DHX36: variants seen among roughly 807,000 people sequenced by gnomAD.
The protein encoded by DHX36 is DEAH-box helicase 36.
A neutral mutation model predicts 139.0 loss-of-function variants in DHX36; 50 were observed. The observed-to-expected ratio is 0.36, with a 90% CI of 0.29 to 0.46. The LOEUF (loss-of-function observed/expected upper bound fraction) is 0.46, where lower values mean the gene tolerates loss of function less well. Ranked by LOEUF, DHX36 falls within the 20% of genes least tolerant of loss-of-function variation. The pLI is 1.00. For missense variants in DHX36, 1,024 were observed against 1,211.3 expected, an observed-to-expected ratio of 0.85 and a Z score of 2.29; for synonymous variants, 425 against 401.9, an observed-to-expected ratio of 1.06 and a Z score of -0.69.
intron 15 of DHX36, 92 bp downstream of exon 15, chr3:154,292,459 C>CT: frequency 2.0e-6 from 3 of 1,521,666 alleles, no homozygotes; most frequent in Non-Finnish European, 1.8e-6. Context: ...AAAGGTAACT[C>CT]TTTTAATAAA....
chr3:154,292,771 C>T (rs2108344835), intron 14 of DHX36, 77 bp from the exon 15 acceptor site: 2 of 1,533,450 alleles, frequency 1.3e-6, no homozygotes, highest in South Asian at 2.5e-5. Flanking sequence ...ATCGAAAGCA[C>T]TATTAACCTA....
chr3:154,284,969 C>T lies in DHX36; in HGVS notation c.2050G>A (p.Glu684Lys), dbSNP rs149205201. ...TGGACTCCAAGAGGTGTCAATTCTT[C>T]TTGTTTATCCAAAGCGTTCTGTAAA... ...LMELNALDKQ[E>K]ELTPLGVHLA... The change falls in exon 18 of 25, where the codon GAA (glutamate) becomes AAA (lysine). Residue 684 changes from glutamate to lysine, a missense_variant. Physicochemically the swap from Glu to Lys is moderately conservative, Grantham distance 56 (BLOSUM62 1). Transcript: ENST00000496811. 1.9e-6 allele frequency: 3 copies of T among 1,613,980 alleles called. No homozygotes were observed. Among genetic ancestry groups the T allele is most frequent in the Non-Finnish European group, 2.5e-6 (3 of 1,180,022 alleles).
At position 154,274,345 on chromosome 3, in the gene DHX36, C is replaced by CA; in HGVS notation, c.*1825dup. 10 of 190,692 alleles carry CA rather than the reference C, an allele frequency of 5.2e-5. No individual in the cohort carries two copies. The highest frequency in any genetic ancestry group is 1.0e-4 in the South Asian group (1 of 9,748). 11.8% of individuals were successfully genotyped at this position (190,692 alleles called of 1,614,324 possible). On this transcript the variant is annotated 3_prime_UTR_variant, in exon 25 of 25. Transcript: ENST00000496811. ...AACAAAACAAAACAAAACAAAAAACCAACAAAAAACTAACAATATCCTATT... is the reference window on the plus strand; with the variant it reads ...AACAAAACAAAACAAAACAAAAAACCAAACAAAAAACTAACAATATCCTATT...
intron 2 of DHX36, 131 bp downstream of exon 2, chr3:154,315,906 ATC>A (rs1712958737): frequency 4.6e-6 from 5 of 1,077,264 alleles, no homozygotes; most frequent in South Asian, 3.5e-5. Flanking sequence ...CATTTTCTAA[ATC>A]TGTTTAATCT....
In DHX36 at chr3:154,315,034, T is replaced by G. The variant is rs751647029; in HGVS notation, c.603+12A>C. The G allele has an allele frequency of 4.5e-6, 7 of 1,548,402 alleles. No homozygotes were observed. The highest frequency in any genetic ancestry group is 6.2e-6 in the Non-Finnish European group (7 of 1,135,770). ...AAAAATGACAAAATATTTTTTGACA[T>G]CTTTCTACTACCTGCATTTCAATAT... On this transcript the variant is annotated intron_variant, in intron 3 of 24. Coordinates refer to ENST00000496811, the MANE Select transcript of DHX36 (RefSeq NM_020865.3).
At chr3:154,304,651 A>G (rs934737693) in intron 8 of DHX36, among the ~76,000 whole-genome samples, 155 bp downstream of exon 8, 1 of 152,156 alleles carries the variant, frequency 6.6e-6, no homozygotes, top group African/African-American at 2.4e-5. Context: ...AATAGACCCA[A>G]TTGTCTAATC....
chr3:154,289,880 T>G, intron 15 of DHX36, 54 bp from the exon 16 acceptor site: 1 of 1,141,752 alleles, frequency 8.8e-7, no homozygotes, highest in South Asian at 1.4e-5. Flanking sequence ...ATCAATGACT[T>G]TTTAGAACTG....
chr3:154,308,622 T>C (rs1290256767), intron 5 of DHX36, among the ~76,000 whole-genome samples: 1 of 152,180 alleles, frequency 6.6e-6, no homozygotes, highest in Non-Finnish European at 1.5e-5. Flanking sequence ...TTCCGGTTTC[T>C]ATTTTGGAAT....
Position 154,303,424 on chromosome 3 carries a change from C to T in DHX36, c.1136-14G>A. On this transcript the variant is annotated splice_polypyrimidine_tract_variant and intron_variant, in intron 8 of 24. Transcript: ENST00000496811. Reference sequence around the variant, plus strand: ...TTGGACAGTTACCTATTACGGCAGACAAAATATAAGCATAAATTTGTACTC... The same window carrying T: ...TTGGACAGTTACCTATTACGGCAGATAAAATATAAGCATAAATTTGTACTC... 1 of 1,564,060 alleles carries T rather than the reference C, an allele frequency of 6.4e-7. No homozygotes were observed. Among genetic ancestry groups the T allele is most frequent in the Non-Finnish European group, 8.7e-7 (1 of 1,150,166 alleles).
At chr3:154,279,126 AGCCACTGT>A (rs755384408) in intron 22 of DHX36, 1 of 152,272 alleles carries the variant, frequency 6.6e-6, no homozygotes, top group Non-Finnish European at 1.5e-5. Flanking sequence ...TACAGGTGTG[AGCCACTGT>A]GCCTGGCCCA....
chr3:154,294,743 A>C (rs1326372700), intron 13 of DHX36, among the ~76,000 whole-genome samples: 1 of 152,132 alleles, frequency 6.6e-6, no homozygotes, highest in Non-Finnish European at 1.5e-5. Flanking sequence ...AATCAATTTC[A>C]TTTTGCAAGA....
At chr3:154,287,393 G>T (rs529629731) in intron 17 of DHX36, among the ~76,000 whole-genome samples, 20 of 152,296 alleles carry the variant, frequency 1.3e-4, no homozygotes, top group South Asian at 1.0e-3. Context: ...GGTGGCTCAT[G>T]CCTATGATCC....
chr3:154,291,849 G>A (rs1711829108), intron 15 of DHX36, among the ~76,000 whole-genome samples: 1 of 152,164 alleles, frequency 6.6e-6, no homozygotes, highest in African/African-American at 2.4e-5. Context: ...GAAATACTGT[G>A]AAATATGCAT....
intron 12 of DHX36, among the ~76,000 whole-genome samples, chr3:154,296,958 T>C (rs1185620044): frequency 6.6e-6 from 1 of 152,216 alleles, no homozygotes; most frequent in Non-Finnish European, 1.5e-5. Context: ...TTGAATTGAA[T>C]CAAGCTTTCA....
In DHX36 at chr3:154,309,673, T is replaced by C; in HGVS notation, c.793A>G (p.Arg265Gly). 1 of 1,602,128 alleles carries C rather than the reference T, an allele frequency of 6.2e-7. No homozygotes were observed. Among genetic ancestry groups the C allele is most frequent in the African/African-American group, 1.3e-5 (1 of 74,314 alleles). The change falls in exon 5 of 25, where the codon AGA becomes GGA. Residue 265 changes from arginine to glycine, a missense_variant. Arg to Gly is a moderately radical substitution (Grantham distance 125). Transcript: ENST00000496811. The stretch of plus-strand genomic sequence containing the variant: ...CTTACTGAAATGGCACTAATTCTTC[T>C]TGGCTGAGTACAAACTATTCTGCAA... Reference protein sequence around the residue: ...SACRIVCTQPRRISAISVAER... With the variant: ...SACRIVCTQPGRISAISVAER...
intron 15 of DHX36, among the ~76,000 whole-genome samples, chr3:154,291,800 A>G (rs1711826041): frequency 1.3e-5 from 2 of 152,232 alleles, no homozygotes; most frequent in African/African-American, 4.8e-5. Flanking sequence ...TCTTCTGAAA[A>G]TCCATATATG....
rs1006752629 is a variant in DHX36 at position 154,284,662 on chromosome 3, T to C, written c.2213A>G (p.Glu738Gly). 6.2e-7 allele frequency: 1 copy of C among 1,610,884 alleles called. No individual in the cohort carries two copies. Among genetic ancestry groups the C allele is most frequent in the Non-Finnish European group, 8.5e-7 (1 of 1,178,054 alleles). The change falls in exon 19 of 25, where the codon GAA becomes GGA. Residue 738 changes from glutamate to glycine, a missense_variant. This residue lies in a region of DHX36 where 470 missense variants were observed against 616.2 expected (regional missense o/e 0.76). Transcript: ENST00000496811. ...KDPFVIPLGK[E>G]KIADARRKEL... The stretch of plus-strand genomic sequence containing the variant: ...CTTTCTTCTTGCATCTGCAATCTTT[T>C]CTTTTCCCTTAAAAATAGCAGACAT...
At chr3:154,286,173 A>AAAG (rs1553757078) in intron 17 of DHX36, among the ~76,000 whole-genome samples, 1 of 119,324 alleles carries the variant, frequency 8.4e-6, no homozygotes, top group African/African-American at 2.9e-5. Flanking sequence ...CACCAAAAAA[A>AAAG]AAAAAAAAAA....
At chr3:154,312,850 A>T (rs1712812037) in intron 3 of DHX36, among the ~76,000 whole-genome samples, 1 of 72,328 alleles carries the variant, frequency 1.4e-5, no homozygotes, top group Admixed American at 2.1e-4. Context: ...GGAAATAATT[A>T]AAATATATAT....
Sources: allele counts gnomAD v4.1 joint callset (sites outside exome capture counted in the v4.1 genomes callset), GRCh38; gene constraint gnomAD v4.1.1; regional missense constraint gnomAD v4.1.1; transcripts MANE v1.5; gene names NCBI Gene and HGNC (gene_info 2026-07-23, HGNC 2026-07-21).